GRID2: variants seen among roughly 807,000 people sequenced by gnomAD.
The protein encoded by GRID2 is glutamate receptor ionotropic, delta-2.
Under a neutral mutation model 114.8 loss-of-function variants are expected in GRID2, and 33 were observed. That is an observed-to-expected ratio of 0.29 (90% CI 0.22 to 0.38). The LOEUF is 0.38. Ranked by LOEUF, GRID2 falls within the 10% of genes least tolerant of loss-of-function variation. The pLI is 1.00. For missense variants in GRID2, 1,184 were observed against 1,257.7 expected (o/e 0.94, Z 0.89); for synonymous variants, 505 against 449.9 (o/e 1.12, Z -1.55).
In GRID2 at chr4:93,207,429, T is replaced by C; in HGVS notation, c.761T>C (p.Phe254Ser). Residue 254 changes from phenylalanine (F) to serine (S), a missense_variant, in exon 5 of 16, where the codon TTT (phenylalanine) becomes TCT (serine). Phe to Ser is a radical substitution (Grantham distance 155). Around this residue, in one of 3 missense-constraint regions of GRID2, gnomAD observed 455 missense variants for 429.5 expected, o/e 1.06. Transcript: ENST00000282020. The stretch of plus-strand genomic sequence containing the variant: ...GTTGTGGAGACTAATTTGGTTGCTT[T>C]TGACTGTCACTGGATCATTATAAAT... ...TEVVETNLVA[F>S]DCHWIIINEE... 1.9e-6 allele frequency: 3 copies of C among 1,603,704 alleles called. No individual in the cohort carries two copies. Among genetic ancestry groups the C allele is most frequent in the Non-Finnish European group, 2.6e-6 (3 of 1,171,026 alleles).
chr4:93,565,257 G>C (rs1240963028), intron 13 of GRID2, among the ~76,000 whole-genome samples: 4 of 152,022 alleles, frequency 2.6e-5, no homozygotes, highest in Non-Finnish European at 5.9e-5. Context: ...ACACACATGA[G>C]ATTACCAGTA....
chr4:93,042,521 A>G (rs1290339296), intron 2 of GRID2, among the ~76,000 whole-genome samples: 2 of 147,632 alleles, frequency 1.4e-5, no homozygotes, highest in Non-Finnish European at 3.0e-5. Flanking sequence ...TGTAATGGAG[A>G]CCAGTTATAT....
chr4:92,628,037 G>C (rs1216318936), intron 2 of GRID2, among the ~76,000 whole-genome samples: 1 of 152,052 alleles, frequency 6.6e-6, no homozygotes, highest in Non-Finnish European at 1.5e-5. Flanking sequence ...CGAGAGCATA[G>C]CTAATAGTAA....
In GRID2 at chr4:93,057,778, C is replaced by T. The variant is rs1035997008; in HGVS notation, c.245-27217C>T. On this transcript the variant is annotated intron_variant, in intron 2 of 15. Coordinates refer to ENST00000282020, the MANE Select transcript of GRID2 (RefSeq NM_001510.4). Reference sequence around the variant, plus strand: ...ATTATAATATTCAATGAACAGCACCCGCCAGAATTCTTATCTGCATTTAAT... The same window carrying T: ...ATTATAATATTCAATGAACAGCACCTGCCAGAATTCTTATCTGCATTTAAT... Among the ~76,000 whole-genome samples the T allele has an allele frequency of 5.3e-5, 8 of 151,640 alleles. No individual in the cohort carries two copies. In the East Asian group the frequency reaches 9.7e-4, roughly 18 times the overall value.
intron 14 of GRID2, among the ~76,000 whole-genome samples, chr4:93,671,940 A>T (rs918332193): frequency 6.6e-6 from 1 of 152,100 alleles, no homozygotes; most frequent in East Asian, 1.9e-4. Context: ...CCGCCACTGC[A>T]CTCCAGCCTG....
At chr4:92,378,366 T>C (rs1398276560) in intron 1 of GRID2, among the ~76,000 whole-genome samples, 2 of 152,132 alleles carry the variant, frequency 1.3e-5, no homozygotes, top group Non-Finnish European at 2.9e-5. Context: ...TTTGTGTATG[T>C]AAATGAAAAT....
At position 92,343,426 on chromosome 4, in the gene GRID2, G is replaced by C. The variant is rs10011832; in HGVS notation, c.88+38682G>C. 5.5e-3 allele frequency among the ~76,000 whole-genome samples: 840 copies of C among 151,952 alleles called. 9 individuals are homozygous for C. The highest frequency in any genetic ancestry group is 0.019 in the African/African-American group (803 of 41,458). ...GTGGAGATTGTGGTACTGACCCCCT[G>C]TACAGTCAAAAATACTCATATAACT... On this transcript the variant is annotated intron_variant, in intron 1 of 15. Coordinates refer to ENST00000282020, the MANE Select transcript of GRID2 (RefSeq NM_001510.4).
intron 2 of GRID2, among the ~76,000 whole-genome samples, chr4:93,013,819 A>G (rs1420003575): frequency 6.6e-6 from 1 of 151,970 alleles, no homozygotes; most frequent in East Asian, 1.9e-4. Flanking sequence ...TATATCTCAC[A>G]TATTCATTTA....
chr4:92,753,756 A>G (rs1262603264), intron 2 of GRID2, among the ~76,000 whole-genome samples: 1 of 152,176 alleles, frequency 6.6e-6, no homozygotes, highest in South Asian at 2.1e-4. Flanking sequence ...TTGAGGAAAG[A>G]AGGCAATTCA....
At chr4:93,029,170 G>A (rs1724159038) in intron 2 of GRID2, among the ~76,000 whole-genome samples, 1 of 151,934 alleles carries the variant, frequency 6.6e-6, no homozygotes, top group African/African-American at 2.4e-5. Context: ...CCCTATTCAA[G>A]GGTTTTAAAG....
chr4:92,768,718 C>A (rs774305209), intron 2 of GRID2, among the ~76,000 whole-genome samples: 1 of 152,018 alleles, frequency 6.6e-6, no homozygotes, highest in Non-Finnish European at 1.5e-5. Flanking sequence ...TGGTGGCAGG[C>A]AAAGAGAGAG....
chr4:93,327,203 C>T (rs905608969), intron 8 of GRID2, among the ~76,000 whole-genome samples: 1 of 152,080 alleles, frequency 6.6e-6, no homozygotes, highest in Non-Finnish European at 1.5e-5. Context: ...CAAGTTAGAC[C>T]TTTCCCTTTT....
In GRID2 at chr4:93,181,074, G is replaced by C. The variant is rs544097425; in HGVS notation, c.736-26330G>C. Among the ~76,000 whole-genome samples, 6 of 152,200 alleles carry C rather than the reference G, an allele frequency of 3.9e-5. No individual in the cohort carries two copies. The South Asian group carries it at 1.2e-3, about 32-fold the overall frequency. On this transcript the variant is annotated intron_variant, in intron 4 of 15. Coordinates refer to ENST00000282020, the MANE Select transcript of GRID2 (RefSeq NM_001510.4). ...TCAGAAGAATCACCTATTTATGGCA[G>C]CTATAGACATGAAATGTATTTCTTA...
intron 13 of GRID2, among the ~76,000 whole-genome samples, chr4:93,614,032 C>G (rs1256574296): frequency 5.9e-5 from 9 of 152,098 alleles, no homozygotes; most frequent in Non-Finnish European, 1.3e-4. Flanking sequence ...TTTTTTAAGC[C>G]GGTCTGAAAA....
At chr4:92,364,091 A>G (rs757856213) in intron 1 of GRID2, among the ~76,000 whole-genome samples, 1 of 151,986 alleles carries the variant, frequency 6.6e-6, no homozygotes, top group Non-Finnish European at 1.5e-5. Flanking sequence ...AAAGTGCAGT[A>G]TAATGTGTCT....
chr4:93,745,543 C>T (rs1344839150), intron 14 of GRID2, among the ~76,000 whole-genome samples: 2 of 151,896 alleles, frequency 1.3e-5, no homozygotes. Flanking sequence ...GTGAGTGGCC[C>T]CTTAATCCTA....
At chr4:92,786,788 C>G (rs1178205948) in intron 2 of GRID2, among the ~76,000 whole-genome samples, 4 of 151,808 alleles carry the variant, frequency 2.6e-5, no homozygotes, top group Admixed American at 6.6e-5. Flanking sequence ...TTAAAACAGA[C>G]CACAGTTGAA....
chr4:92,475,205 G>T (rs1442505684), intron 1 of GRID2, among the ~76,000 whole-genome samples: 8 of 150,690 alleles, frequency 5.3e-5, no homozygotes, highest in Admixed American at 5.3e-4. Context: ...AAAAAAAATT[G>T]TTGCCTGTGT....
chr4:92,471,138 A>ATGG (rs935274888), intron 1 of GRID2, among the ~76,000 whole-genome samples: 35 of 152,146 alleles, frequency 2.3e-4, no homozygotes, highest in African/African-American at 8.2e-4. Context: ...GTAAGAGCGA[A>ATGG]TGGTACAGTA....
Sources: allele counts gnomAD v4.1 joint callset (sites outside exome capture counted in the v4.1 genomes callset), GRCh38; gene constraint gnomAD v4.1.1; regional missense constraint gnomAD v4.1.1; transcripts MANE v1.5; gene names NCBI Gene and HGNC (gene_info 2026-07-23, HGNC 2026-07-21).